The following BARX2 variants were observed in gnomAD, a reference collection of about 807,000 sequenced individuals.
BARX2 encodes homeobox protein BarH-like 2.
Under a neutral mutation model 25.5 loss-of-function variants are expected in BARX2, and 11 were observed. The observed-to-expected ratio is 0.43, with a 90% CI of 0.27 to 0.71. BARX2 has a LOEUF of 0.71. Ranked by LOEUF, BARX2 falls within the 30% of genes least tolerant of loss-of-function variation. The pLI is 0.19. For missense variants in BARX2, 360 were observed against 359.9 expected (o/e 1.00, Z 0.00); for synonymous variants, 137 against 149.5 (o/e 0.92, Z 0.61).
At chr11:129,410,624 T>C (rs1355544122) in intron 1 of BARX2, among the ~76,000 whole-genome samples, 2 of 152,168 alleles carry the variant, frequency 1.3e-5, no homozygotes, top group Non-Finnish European at 2.9e-5. Context: ...GGCCTCCCTA[T>C]AGGGTCCAGG....
intron 1 of BARX2, among the ~76,000 whole-genome samples, chr11:129,403,467 A>G (rs561459374): frequency 1.4e-3 from 213 of 152,174 alleles, no homozygotes; most frequent in Non-Finnish European, 2.7e-3. Context: ...TTTCCAACAT[A>G]CCGTAGGCCA....
At chr11:129,437,865 A>T (rs993642686) in intron 2 of BARX2, 2 of 152,092 alleles carry the variant, frequency 1.3e-5, no homozygotes, top group African/African-American at 4.8e-5. Flanking sequence ...CGTCTCTACA[A>T]AAATTAAAAT....
At chr11:129,429,681 A>T (rs1862107905) in intron 1 of BARX2, among the ~76,000 whole-genome samples, 1 of 152,220 alleles carries the variant, frequency 6.6e-6, no homozygotes. Flanking sequence ...TAATAGGATC[A>T]TATATTAGTT....
chr11:129,449,031 G>A (rs942317242), intron 3 of BARX2, among the ~76,000 whole-genome samples: 1 of 152,192 alleles, frequency 6.6e-6, no homozygotes, highest in Non-Finnish European at 1.5e-5. Flanking sequence ...AGGGCTGTGG[G>A]CAGATCGGGT....
chr11:129,413,286 C>T (rs987494673), intron 1 of BARX2, among the ~76,000 whole-genome samples: 6 of 152,160 alleles, frequency 3.9e-5, no homozygotes, highest in South Asian at 4.1e-4. Flanking sequence ...TCAAAAGCCA[C>T]GCAAGTTACT....
chr11:129,389,708 G>A (rs1163459261), intron 1 of BARX2, among the ~76,000 whole-genome samples: 3 of 124,032 alleles, frequency 2.4e-5, no homozygotes, highest in Non-Finnish European at 4.9e-5. Context: ...GTAGAGTTAG[G>A]GATAGTCTTT....
chr11:129,430,481 A>G (rs1038656155), intron 1 of BARX2, among the ~76,000 whole-genome samples: 2 of 152,184 alleles, frequency 1.3e-5, no homozygotes, highest in South Asian at 2.1e-4. Flanking sequence ...GAATTGTTTT[A>G]AATTTATTTT....
chr11:129,424,140 G>A (rs541183143), intron 1 of BARX2, among the ~76,000 whole-genome samples: 169 of 152,282 alleles, frequency 1.1e-3, no homozygotes, highest in Non-Finnish European at 2.0e-3. Flanking sequence ...GAGCCACTGC[G>A]CCCAGTCCAT....
intron 1 of BARX2, among the ~76,000 whole-genome samples, chr11:129,397,194 G>T (rs1861729250): frequency 6.6e-6 from 1 of 151,742 alleles, no homozygotes; most frequent in Admixed American, 6.6e-5. Flanking sequence ...TAAATGGGGA[G>T]GATCTCTTGA....
chr11:129,417,075 A>G (rs570315286), intron 1 of BARX2, among the ~76,000 whole-genome samples: 10 of 151,226 alleles, frequency 6.6e-5, no homozygotes, highest in African/African-American at 2.2e-4. Flanking sequence ...CTAATTTTTT[A>G]TATTTTTAGT....
chr11:129,451,252 T>G lies in BARX2; in HGVS notation c.690T>G (p.Gly230=). The G allele has an allele frequency of 6.2e-7, 1 of 1,613,980 alleles. No homozygotes were observed. Among genetic ancestry groups the G allele is most frequent in the Non-Finnish European group, 8.5e-7 (1 of 1,179,980 alleles). ...AGAAGATGAACAGCCAGGCCCAGGG[T>G]CAGGAGCAGCTGGAGCCCTCTCAGG... is the stretch of plus-strand genomic sequence containing the variant. ...AEEKMNSQAQ[G]QEQLEPSQGQ... The change falls in exon 4 of 4, where the codon GGT becomes GGG. Residue 230 remains glycine, a synonymous_variant. Transcript: ENST00000281437.
chr11:129,419,777 T>A (rs1207878806), intron 1 of BARX2, among the ~76,000 whole-genome samples: 1 of 151,826 alleles, frequency 6.6e-6, no homozygotes, highest in Non-Finnish European at 1.5e-5. Context: ...CTGGCAATAT[T>A]ATTATTATTA....
intron 1 of BARX2, among the ~76,000 whole-genome samples, chr11:129,384,123 C>T (rs922092599): frequency 2.0e-5 from 3 of 152,058 alleles, no homozygotes; most frequent in Admixed American, 6.5e-5. Flanking sequence ...CCACCTGCCT[C>T]GGCCTCCCAA....
intron 3 of BARX2, among the ~76,000 whole-genome samples, chr11:129,444,773 G>A (rs181119933): frequency 6.6e-6 from 1 of 152,234 alleles, no homozygotes; most frequent in Admixed American, 6.5e-5. Flanking sequence ...AGGCCGAGGT[G>A]GGTGGATCAC....
intron 1 of BARX2, among the ~76,000 whole-genome samples, chr11:129,408,020 CAAAAAAAAAAAAAA>C (rs59310534): frequency 8.6e-5 from 4 of 46,486 alleles, no homozygotes; most frequent in Admixed American, 2.9e-4. Flanking sequence ...GACTCCGTCT[CAAAAAAAAAAAAAA>C]AAAAAAAAAA....
intron 1 of BARX2, among the ~76,000 whole-genome samples, chr11:129,404,058 A>G (rs961318652): frequency 6.6e-6 from 1 of 152,268 alleles, no homozygotes; most frequent in Non-Finnish European, 1.5e-5. Context: ...CAAAGATTTC[A>G]TGAAAAATAA....
intron 2 of BARX2, 186 bp downstream of exon 2, chr11:129,437,237 G>A (rs113078943): frequency 6.1e-6 from 4 of 653,158 alleles, no homozygotes; most frequent in East Asian, 3.3e-5. Flanking sequence ...TCCACCACAC[G>A]GTCCCTGGAG....
intron 1 of BARX2, among the ~76,000 whole-genome samples, chr11:129,409,896 A>G (rs1861869298): frequency 2.0e-5 from 3 of 152,128 alleles, no homozygotes; most frequent in Admixed American, 1.3e-4. Context: ...ATTTCTACCA[A>G]TTGGATATTA....
chr11:129,377,803 G>A (rs1694653123), intron 1 of BARX2, among the ~76,000 whole-genome samples: 1 of 152,330 alleles, frequency 6.6e-6, no homozygotes, highest in South Asian at 2.1e-4. Flanking sequence ...TAAGCACCTA[G>A]GTAGAGCCTA....
Sources: allele counts gnomAD v4.1 joint callset (sites outside exome capture counted in the v4.1 genomes callset), GRCh38; gene constraint gnomAD v4.1.1; transcripts MANE v1.5; gene names NCBI Gene and HGNC (gene_info 2026-07-23, HGNC 2026-07-21).